The following SVOP variants were observed in gnomAD, a reference collection of about 807,000 sequenced individuals.
The protein encoded by SVOP is synaptic vesicle 2-related protein.
A neutral mutation model predicts 69.1 loss-of-function variants in SVOP; 17 were observed. That is an observed-to-expected ratio of 0.25 (90% CI 0.17 to 0.37). The LOEUF is 0.37. Ranked by LOEUF, SVOP falls within the 10% of genes least tolerant of loss-of-function variation. The probability of loss-of-function intolerance (pLI) is 1.00; values close to 1 mark genes in which losing one functional copy is unlikely to be tolerated. For missense variants in SVOP, 435 were observed against 597.5 expected, an observed-to-expected ratio of 0.73 and a Z score of 2.84; for synonymous variants, 238 against 238.6, an observed-to-expected ratio of 1.00 and a Z score of 0.02.
chr12:109,009,249 A>ACC (rs2040328131), intron 1 of SVOP, among the ~76,000 whole-genome samples: 1 of 151,972 alleles, frequency 6.6e-6, no homozygotes. Flanking sequence ...GGCATGAGCC[A>ACC]CCGCATCCAG....
chr12:108,993,883 C>T (rs150406078), intron 1 of SVOP, among the ~76,000 whole-genome samples: 2 of 152,320 alleles, frequency 1.3e-5, no homozygotes, highest in Non-Finnish European at 2.9e-5. Context: ...CGTTTGCGTG[C>T]ATTCTCAATT....
intron 6 of SVOP, among the ~76,000 whole-genome samples, chr12:108,950,182 G>T (rs1056116402): frequency 6.7e-6 from 1 of 149,108 alleles, no homozygotes; most frequent in African/African-American, 2.5e-5. Flanking sequence ...CCTGCCTCAG[G>T]CTCCCAAGTA....
chr12:108,930,361 T>C (rs1457952272), intron 11 of SVOP, among the ~76,000 whole-genome samples: 1 of 151,108 alleles, frequency 6.6e-6, no homozygotes, highest in African/African-American at 2.4e-5. Flanking sequence ...AAGACGGAAG[T>C]GAGATACAGA....
At chr12:108,927,410 T>C (rs1482800578) in intron 11 of SVOP, among the ~76,000 whole-genome samples, 2 of 152,284 alleles carry the variant, frequency 1.3e-5, no homozygotes. Flanking sequence ...GAGGCATGAT[T>C]TTACCTTTTG....
intron 6 of SVOP, 104 bp from the exon 7 acceptor site, chr12:108,945,270 G>A (rs2039916137): frequency 2.8e-6 from 3 of 1,056,094 alleles, no homozygotes; most frequent in Non-Finnish European, 4.2e-6. Flanking sequence ...AGGGTGGTCA[G>A]TGAACCACTT....
intron 1 of SVOP, among the ~76,000 whole-genome samples, chr12:109,012,297 CAGTT>C (rs2040346385): frequency 1.3e-5 from 2 of 150,584 alleles, no homozygotes; most frequent in African/African-American, 2.4e-5. Flanking sequence ...AAAAAAAAAT[CAGTT>C]AGACAGGAGA....
rs73195443 is a variant in SVOP at position 108,937,686 on chromosome 12, C to T, written c.898-349G>A. On this transcript the variant is annotated intron_variant, in intron 9 of 15. Coordinates refer to ENST00000610966, the MANE Select transcript of SVOP (RefSeq NM_018711.5). Reference sequence around the variant, plus strand: ...CAGTCCAAAGCATGTCCAGCCATTTCACACACACACATGTGCCTTCCCCAG... The same window carrying T: ...CAGTCCAAAGCATGTCCAGCCATTTTACACACACACATGTGCCTTCCCCAG... Among the ~76,000 whole-genome samples the T allele has an allele frequency of 5.7e-3, 860 of 151,610 alleles. 4 individuals are homozygous for T. The highest frequency in any genetic ancestry group is 9.7e-3 in the Non-Finnish European group (662 of 67,992).
At chr12:108,980,067 C>G (rs980384988) in intron 2 of SVOP, among the ~76,000 whole-genome samples, 2 of 151,940 alleles carry the variant, frequency 1.3e-5, no homozygotes, top group African/African-American at 4.8e-5. Flanking sequence ...TCCTAGCTAC[C>G]TGGGAGGCTC....
At chr12:108,997,676 G>T (rs2040243895) in intron 1 of SVOP, among the ~76,000 whole-genome samples, 2 of 151,424 alleles carry the variant, frequency 1.3e-5, no homozygotes, top group African/African-American at 2.4e-5. Context: ...CAGCCTAACT[G>T]GGAGGCACCC....
intron 1 of SVOP, among the ~76,000 whole-genome samples, chr12:109,001,004 A>G (rs2040264977): frequency 6.6e-6 from 1 of 151,820 alleles, no homozygotes; most frequent in Admixed American, 6.6e-5. Flanking sequence ...TTCAATTAGG[A>G]AAAGAGGAAG....
intron 5 of SVOP, among the ~76,000 whole-genome samples, chr12:108,967,929 C>T (rs1244951735): frequency 6.6e-6 from 1 of 152,192 alleles, no homozygotes; most frequent in Admixed American, 6.5e-5. Flanking sequence ...TTAAAATCTC[C>T]TCTGAGGCCC....
chr12:108,946,402 G>A (rs994839646), intron 6 of SVOP, among the ~76,000 whole-genome samples: 3 of 151,918 alleles, frequency 2.0e-5, no homozygotes, highest in Non-Finnish European at 4.4e-5. Context: ...GCCTAGCCCC[G>A]CAAATGGTAT....
At chr12:108,946,866 C>T (rs2039926775) in intron 6 of SVOP, among the ~76,000 whole-genome samples, 1 of 152,024 alleles carries the variant, frequency 6.6e-6, no homozygotes, top group African/African-American at 2.4e-5. Flanking sequence ...TTACAGTTGC[C>T]TGCCACCATG....
At chr12:108,969,413 C>T (rs1344964245) in intron 5 of SVOP, among the ~76,000 whole-genome samples, 1 of 132,102 alleles carries the variant, frequency 7.6e-6, no homozygotes, top group Non-Finnish European at 1.6e-5. Context: ...CAAATTTTCA[C>T]TCTTGTTGCC....
At chr12:108,958,455 A>G (rs1013206085) in intron 6 of SVOP, among the ~76,000 whole-genome samples, 6 of 152,200 alleles carry the variant, frequency 3.9e-5, no homozygotes, top group African/African-American at 1.4e-4. Flanking sequence ...GCAATAGGCT[A>G]TACCGTATAG....
chr12:108,941,807 G>A (rs932930910), intron 7 of SVOP, among the ~76,000 whole-genome samples: 6 of 151,390 alleles, frequency 4.0e-5, no homozygotes, highest in African/African-American at 1.2e-4. Flanking sequence ...GATTACAGGC[G>A]CCCCCCTCAA....
intron 11 of SVOP, among the ~76,000 whole-genome samples, chr12:108,931,775 A>C (rs55830624): frequency 2.0e-5 from 3 of 151,174 alleles, no homozygotes; most frequent in African/African-American, 7.3e-5. Context: ...TGGAGCTTGC[A>C]GTGAGCCGAG....
At chr12:108,994,826 T>C (rs2040222317) in intron 1 of SVOP, among the ~76,000 whole-genome samples, 1 of 152,154 alleles carries the variant, frequency 6.6e-6, no homozygotes, top group Non-Finnish European at 1.5e-5. Context: ...TAAATGGATA[T>C]AGCACATCCA....
chr12:108,968,999 GC>G (rs2040062965), intron 5 of SVOP, among the ~76,000 whole-genome samples: 1 of 152,024 alleles, frequency 6.6e-6, no homozygotes, highest in Non-Finnish European at 1.5e-5. Flanking sequence ...TCGCCATGTT[GC>G]CTAGGCTGGT....
Sources: gnomAD v4.1 joint callset for allele counts (sites outside exome capture counted in the v4.1 genomes callset) on GRCh38, gnomAD v4.1.1 for gene constraint, MANE v1.5 for transcripts, NCBI Gene and HGNC (gene_info 2026-07-23, HGNC 2026-07-21) for gene names.